The following ERAP2 variants were observed in gnomAD, a reference collection of about 807,000 sequenced individuals.
The protein encoded by ERAP2 is leukocyte-derived arginine aminopeptidase.
ERAP2 carries 118 observed loss-of-function variants against 111.1 expected under a neutral mutation model. The observed-to-expected ratio is 1.06, with a 90% confidence interval of 0.92 to 1.24. ERAP2 has a LOEUF of 1.24. Among genes scored for constraint, ERAP2 ranks in the 50% most tolerant of loss-of-function variants. The pLI is 0.00. For missense variants in ERAP2, 1,131 were observed against 1,125.8 expected, an observed-to-expected ratio of 1.00 and a Z score of -0.07; for synonymous variants, 410 against 401.2, an observed-to-expected ratio of 1.02 and a Z score of -0.26.
At position 96,901,451 on chromosome 5, in the gene ERAP2, C is replaced by A. The variant is rs556279744; in HGVS notation, c.1573-55C>A. 87 of 1,563,564 alleles carry A rather than the reference C, an allele frequency of 5.6e-5. No individual in the cohort carries two copies. In the East Asian group the frequency reaches 1.1e-3, roughly 20 times the overall value. On this transcript the variant is annotated intron_variant, in intron 10 of 18. Coordinates refer to ENST00000437043, the MANE Select transcript of ERAP2 (RefSeq NM_022350.5). ...CAAGGAGATGGAAGTTTCTGTCCCT[C>A]TGTCTTTGGATTGTCTCCTCTCTCT...
At chr5:96,889,411 C>A in intron 5 of ERAP2, 106 bp downstream of exon 5, 1 of 1,249,644 alleles carries the variant, frequency 8.0e-7, no homozygotes, top group Non-Finnish European at 1.2e-6. Context: ...CTGAGGAATT[C>A]AGTTAGCTCA....
At chr5:96,882,357 A>T (rs1327748662) in intron 2 of ERAP2, among the ~76,000 whole-genome samples, 1 of 152,178 alleles carries the variant, frequency 6.6e-6, no homozygotes, top group African/African-American at 2.4e-5. Context: ...ACTTTCCAGC[A>T]TGCCTCCCGT....
chr5:96,879,710 A>G lies in ERAP2; in HGVS notation c.25A>G (p.Asn9Asp), dbSNP rs763349085. Reference sequence around the variant, plus strand: ...CATGTTCCATTCTTCTGCAATGGTTAATTCACACAGAAAACCAATGTTTAA... The same window carrying G: ...CATGTTCCATTCTTCTGCAATGGTTGATTCACACAGAAAACCAATGTTTAA... The part of the protein sequence containing the change: MFHSSAMV[N>D]SHRKPMFNIH... Residue 9 changes from asparagine (N) to aspartate (D), a missense_variant, in exon 2 of 19, where the codon AAT becomes GAT. Physicochemically the swap from Asn to Asp is conservative, Grantham distance 23 (BLOSUM62 1). Transcript: ENST00000437043. The G allele has an allele frequency of 6.2e-7, 1 of 1,614,072 alleles. No homozygotes were observed.
At chr5:96,889,831 TACACACACACAC>T (rs58154009) in intron 5 of ERAP2, among the ~76,000 whole-genome samples, 5 of 148,644 alleles carry the variant, frequency 3.4e-5, no homozygotes, top group South Asian at 4.3e-4. Flanking sequence ...AAAAAATACA[TACACACACACAC>T]ACACACACAC....
intron 9 of ERAP2, among the ~76,000 whole-genome samples, chr5:96,899,789 A>G (rs73150372): frequency 9.8e-5 from 15 of 152,340 alleles, no homozygotes; most frequent in African/African-American, 3.1e-4. Context: ...ATGCAGCATG[A>G]AATAATAAAA....
chr5:96,903,883 C>A (rs769220793), intron 13 of ERAP2, among the ~76,000 whole-genome samples: 3 of 152,104 alleles, frequency 2.0e-5, no homozygotes, highest in Non-Finnish European at 4.4e-5. Context: ...GTGCAGTGGG[C>A]CAAACTCTCT....
intron 1 of ERAP2, among the ~76,000 whole-genome samples, chr5:96,877,694 G>C (rs1319033090): frequency 6.6e-6 from 1 of 152,006 alleles, no homozygotes. Context: ...TGGGCACTCT[G>C]ATTCCAAAGC....
Position 96,896,477 on chromosome 5 carries a change from A to G in ERAP2, c.1344A>G (p.Glu448=). The G allele has an allele frequency of 6.2e-7, 1 of 1,613,506 alleles. No homozygotes were observed. ...CGGAAACCCCGACTCAAATACAGGA[A>G]ATGTTTGATGAAGTTTCCTATAACA... is the stretch of plus-strand genomic sequence containing the variant. The part of the protein sequence containing the change: ...KPAETPTQIQ[E]MFDEVSYNKG... Residue 448 remains glutamate (E), a synonymous_variant, in exon 8 of 19, where the codon GAA becomes GAG. Transcript: ENST00000437043.
intron 15 of ERAP2, 25 bp downstream of exon 15, chr5:96,909,789 C>G (rs1353252420): frequency 6.2e-7 from 1 of 1,604,096 alleles, no homozygotes; most frequent in African/African-American, 1.3e-5. Context: ...CTGTCCTACC[C>G]TTTGTTCTTT....
At chr5:96,876,193 C>T (rs529521215), upstream of ERAP2, 12 of 152,490 alleles carry the variant, frequency 7.9e-5, no homozygotes, top group African/African-American at 2.6e-4. Flanking sequence ...CCTAAGACAA[C>T]AACTTGGCAC....
At chr5:96,892,680 A>G (rs1395744737) in intron 6 of ERAP2, among the ~76,000 whole-genome samples, 2 of 152,154 alleles carry the variant, frequency 1.3e-5, no homozygotes, top group African/African-American at 4.8e-5. Context: ...ATCCTCTAAA[A>G]CCTTTCAAAG....
At chr5:96,910,564 T>C (rs1397556400) in intron 15 of ERAP2, among the ~76,000 whole-genome samples, 1 of 152,184 alleles carries the variant, frequency 6.6e-6, no homozygotes, top group Non-Finnish European at 1.5e-5. Context: ...TACTGCCCTA[T>C]ACAAAATAGA....
intron 15 of ERAP2, among the ~76,000 whole-genome samples, chr5:96,912,169 C>T (rs187247315): frequency 4.5e-4 from 59 of 131,510 alleles, no homozygotes; most frequent in Admixed American, 4.6e-4. Context: ...CCAGCTTGGG[C>T]GACAGTGAGA....
intron 18 of ERAP2, among the ~76,000 whole-genome samples, chr5:96,916,278 TCTTAAAATA>T (rs1166660458): frequency 2.0e-5 from 3 of 151,568 alleles, no homozygotes; most frequent in South Asian, 4.2e-4. Context: ...AGCCCCTGAC[TCTTAAAATA>T]CTTAAAATAC....
At chr5:96,894,582 C>T (rs1280631744) in intron 6 of ERAP2, among the ~76,000 whole-genome samples, 2 of 152,190 alleles carry the variant, frequency 1.3e-5, no homozygotes, top group South Asian at 2.1e-4. Flanking sequence ...ATTTAAAATG[C>T]ATAATACAGA....
chr5:96,895,416 AT>A (rs1784782493), intron 7 of ERAP2, 57 bp downstream of exon 7: 5 of 1,214,136 alleles, frequency 4.1e-6, no homozygotes, highest in Admixed American at 4.1e-5. Context: ...TCAATTCACT[AT>A]TAAAATTTCA....
At chr5:96,914,148 T>TCACACACA (rs1554061288) in intron 17 of ERAP2, among the ~76,000 whole-genome samples, 3 of 147,982 alleles carry the variant, frequency 2.0e-5, no homozygotes, top group African/African-American at 7.5e-5. Context: ...TCTCTCTCTC[T>TCACACACA]CACACACACA....
chr5:96,887,979 G>A (rs1783936574), intron 4 of ERAP2, among the ~76,000 whole-genome samples: 1 of 151,984 alleles, frequency 6.6e-6, no homozygotes, highest in South Asian at 2.1e-4. Context: ...ACAAAAATTA[G>A]CCAGGCATGG....
intron 17 of ERAP2, among the ~76,000 whole-genome samples, chr5:96,914,129 G>GTC (rs35052241): frequency 2.3e-3 from 335 of 146,870 alleles, no homozygotes; most frequent in Non-Finnish European, 3.6e-3. Context: ...ATTGCTTTCT[G>GTC]TCTCTCTCTC....
Sources: allele counts gnomAD v4.1 joint callset (sites outside exome capture counted in the v4.1 genomes callset), GRCh38; gene constraint gnomAD v4.1.1; transcripts MANE v1.5; gene names NCBI Gene and HGNC (gene_info 2026-07-23, HGNC 2026-07-21).